SAMD5: variants seen among roughly 807,000 people sequenced by gnomAD.
SAMD5 encodes the protein sterile alpha motif domain-containing protein 5.
Under a neutral mutation model 11.3 loss-of-function variants are expected in SAMD5, and 13 were observed. The ratio of observed to expected loss-of-function variants is 1.15; its 90% confidence interval spans 0.75 to 1.83. The LOEUF is 1.83. Among genes scored for constraint, SAMD5 ranks in the 40% most tolerant of loss-of-function variants. The probability of loss-of-function intolerance (pLI) is 0.00; values close to 1 mark genes in which losing one functional copy is unlikely to be tolerated. For missense variants in SAMD5, 255 were observed against 239.1 expected (o/e 1.07, Z -0.44); for synonymous variants, 129 against 111.3 (o/e 1.16, Z -1.00).
intron 1 of SAMD5, chr6:147,730,088 A>G (rs143541772): frequency 0.017 from 7,282 of 437,146 alleles, 190 homozygotes; most frequent in African/African-American, 0.078. Context: ...AAAAAAAAAA[A>G]AAAAGAAAAG....
intron 1 of SAMD5, among the ~76,000 whole-genome samples, chr6:147,584,511 A>C (rs1789346429): frequency 6.6e-6 from 1 of 152,022 alleles, no homozygotes; most frequent in African/African-American, 2.4e-5. Flanking sequence ...CAGCTTCCCA[A>C]AGGCCTGGAC....
At chr6:147,896,755 A>AACAAAAAACAAAAAAAC in the SAMD5 span, among the ~76,000 whole-genome samples, 4 of 142,418 alleles carry the variant, frequency 2.8e-5, no homozygotes, top group African/African-American at 1.1e-4. Flanking sequence ...AAAAAAAAAA[A>AACAAAAAACAAAAAAAC]AAAAAAAACG....
Position 147,564,612 on chromosome 6 carries a change from T to C in SAMD5, c.*156T>C. On this transcript the variant is annotated 3_prime_UTR_variant, in exon 2 of 2. Transcript: ENST00000367474. Reference sequence around the variant, plus strand: ...TTGGACAAATTCTGGAATAATCAACTTAGTAAACTGGGTAACTGGCTTATA... The same window carrying C: ...TTGGACAAATTCTGGAATAATCAACCTAGTAAACTGGGTAACTGGCTTATA... The C allele has an allele frequency of 7.0e-7, 1 of 1,434,290 alleles. No individual in the cohort carries two copies. Among genetic ancestry groups the C allele is most frequent in the Non-Finnish European group, 9.2e-7 (1 of 1,091,828 alleles). The allele number at this position is 1,434,290 out of a possible 1,614,324, so 88.8% of individuals were successfully genotyped here. A position where few individuals can be genotyped will look rare whatever the true frequency, so the allele number is the denominator to read the frequency against.
chr6:147,593,857 G>A (rs576161102), intron 1 of SAMD5, among the ~76,000 whole-genome samples: 6 of 152,234 alleles, frequency 3.9e-5, no homozygotes, highest in African/African-American at 7.2e-5. Flanking sequence ...AGCTGGGCAC[G>A]GTGGCCACAC....
rs185422536 is a variant in SAMD5, at chr6:147,585,840, C to T, written c.162+76453C>T. ...TTTTGAGAGAGAGAATATATACATA[C>T]ATTCACACCGTGAAGGCTAAAAACA... On this transcript the variant is annotated intron_variant, in intron 1 of 1. Transcript: ENST00000566741. Among the ~76,000 whole-genome samples the T allele has an allele frequency of 6.9e-3, 1,043 of 152,262 alleles. 5 individuals are homozygous for T. The highest frequency in any genetic ancestry group is 0.011 in the Non-Finnish European group (778 of 68,022).
the SAMD5 span, among the ~76,000 whole-genome samples, chr6:147,775,185 C>G: frequency 6.6e-6 from 1 of 152,094 alleles, no homozygotes; most frequent in Non-Finnish European, 1.5e-5. Context: ...CCTGCGAGGC[C>G]TGGTGTGTAG....
At chr6:147,855,044 A>G in the SAMD5 span, among the ~76,000 whole-genome samples, 3 of 152,296 alleles carry the variant, frequency 2.0e-5, no homozygotes, top group East Asian at 5.8e-4. Context: ...TGGAGGCTTC[A>G]GGGAGAATAA....
chr6:147,638,181 G>T (rs1423065419), intron 1 of SAMD5, among the ~76,000 whole-genome samples: 1 of 151,924 alleles, frequency 6.6e-6, no homozygotes, highest in Non-Finnish European at 1.5e-5. Context: ...AGTCATTTTC[G>T]ATGCTATTTT....
At chr6:147,559,069 G>T (rs950020359) in intron 1 of SAMD5, among the ~76,000 whole-genome samples, 1 of 152,170 alleles carries the variant, frequency 6.6e-6, no homozygotes, top group African/African-American at 2.4e-5. Context: ...GTACAGTACA[G>T]AATTCCCAAC....
chr6:147,905,841 A>G, the SAMD5 span, among the ~76,000 whole-genome samples: 1 of 152,196 alleles, frequency 6.6e-6, no homozygotes, highest in Admixed American at 6.5e-5. Context: ...AAAGACGCCT[A>G]TCCTCTGAGG....
At chr6:147,909,567 T>C in the SAMD5 span, among the ~76,000 whole-genome samples, 7,066 of 47,792 alleles carry the variant, frequency 0.15, 327 homozygotes, top group South Asian at 0.22. Flanking sequence ...CTTTTTTCTT[T>C]CTTTCTTTCT....
chr6:147,642,674 A>T (rs373097752), intron 1 of SAMD5, among the ~76,000 whole-genome samples: 1 of 152,342 alleles, frequency 6.6e-6, no homozygotes, highest in South Asian at 2.1e-4. Context: ...TTATTGAAAC[A>T]TCAATAGGAA....
At chr6:147,708,491 A>G (rs1287534787) in intron 1 of SAMD5, among the ~76,000 whole-genome samples, 1 of 152,212 alleles carries the variant, frequency 6.6e-6, no homozygotes, top group African/African-American at 2.4e-5. Context: ...TCCAGTTGTA[A>G]ATAGATCAGA....
At chr6:147,600,091 G>A (rs1289648432) in intron 1 of SAMD5, among the ~76,000 whole-genome samples, 6 of 152,296 alleles carry the variant, frequency 3.9e-5, no homozygotes, top group Non-Finnish European at 8.8e-5. Flanking sequence ...CAGAGGAAAA[G>A]TGACCAGGGA....
chr6:147,523,541 G>T (rs1393231795), intron 1 of SAMD5, among the ~76,000 whole-genome samples: 1 of 152,160 alleles, frequency 6.6e-6, no homozygotes, highest in Non-Finnish European at 1.5e-5. Context: ...TATCAATACA[G>T]AATGGAACAC....
the SAMD5 span, among the ~76,000 whole-genome samples, chr6:147,757,984 G>T: frequency 6.6e-6 from 1 of 152,114 alleles, no homozygotes; most frequent in Non-Finnish European, 1.5e-5. Context: ...TACTGGTTTA[G>T]ACAGTGTTTG....
intron 1 of SAMD5, among the ~76,000 whole-genome samples, chr6:147,584,808 CAT>C (rs1407577847): frequency 3.9e-5 from 6 of 152,104 alleles, no homozygotes; most frequent in Admixed American, 3.9e-4. Flanking sequence ...CAAAATATAA[CAT>C]GTGTGTTATC....
chr6:147,537,923 A>C (rs1788537643), intron 1 of SAMD5, among the ~76,000 whole-genome samples: 2 of 152,140 alleles, frequency 1.3e-5, no homozygotes, highest in African/African-American at 2.4e-5. Flanking sequence ...ATTATTTTTT[A>C]ACATTACATA....
At chr6:147,860,301 C>A in the SAMD5 span, among the ~76,000 whole-genome samples, 1 of 152,214 alleles carries the variant, frequency 6.6e-6, no homozygotes, top group East Asian at 1.9e-4. Context: ...AAGGTCCGCC[C>A]TAATCCCATA....
Sources: allele counts gnomAD v4.1 joint callset (sites outside exome capture counted in the v4.1 genomes callset), GRCh38; gene constraint gnomAD v4.1.1; transcripts MANE v1.5; gene names NCBI Gene and HGNC (gene_info 2026-07-23, HGNC 2026-07-21).